Variants in DPYD observed in about 807,000 individuals in gnomAD.
The protein encoded by DPYD is dihydropyrimidine dehydrogenase [NADP(+)].
A neutral mutation model predicts 116.2 loss-of-function variants in DPYD; 109 were observed. The observed-to-expected ratio is 0.94, with a 90% confidence interval of 0.80 to 1.10. The LOEUF (loss-of-function observed/expected upper bound fraction) is 1.10, where lower values mean the gene tolerates loss of function less well. Among genes scored for constraint, DPYD ranks in the 50% least tolerant of loss-of-function variants. The pLI is 0.00. For synonymous variants in DPYD, 440 were observed against 432.0 expected (o/e 1.02, Z -0.23); for missense variants, 1,302 against 1,254.5 (o/e 1.04, Z -0.57).
intron 20 of DPYD, among the ~76,000 whole-genome samples, chr1:97,177,213 C>G (rs1379989629): frequency 6.6e-6 from 1 of 152,058 alleles, no homozygotes; most frequent in Non-Finnish European, 1.5e-5. Flanking sequence ...CCAGCAAATA[C>G]TAGGTACGAA....
rs1246581803 is a variant in DPYD, at chr1:97,883,332, G to A, written c.82C>T (p.Leu28=). ...LNPRTQTHAT[L]CSTSAKKLDK... ...AATTTCTTGGCCGAAGTGGAACACA[G>A]AGTTGCATGAGTTTGTGTTCGAGGA... Residue 28 remains leucine (L), a synonymous_variant, in exon 2 of 23, where the codon CTG becomes TTG. Transcript: ENST00000370192. 6.2e-7 allele frequency: 1 copy of A among 1,612,608 alleles called. No homozygotes were observed. The highest frequency in any genetic ancestry group is 1.3e-5 in the African/African-American group (1 of 74,848).
intron 18 of DPYD, among the ~76,000 whole-genome samples, chr1:97,268,468 G>C (rs948123907): frequency 2.0e-5 from 3 of 152,120 alleles, no homozygotes; most frequent in African/African-American, 2.4e-5. Context: ...TCTCTTCTTA[G>C]GGACCCAGGC....
intron 7 of DPYD, among the ~76,000 whole-genome samples, chr1:97,683,299 T>C (rs1660525409): frequency 6.6e-6 from 1 of 151,906 alleles, no homozygotes; most frequent in Non-Finnish European, 1.5e-5. Context: ...TAATATGATT[T>C]TATATTTATT....
intron 18 of DPYD, among the ~76,000 whole-genome samples, chr1:97,262,773 G>C (rs992425604): frequency 6.6e-6 from 1 of 151,924 alleles, no homozygotes; most frequent in African/African-American, 2.4e-5. Flanking sequence ...ATCAGACTTA[G>C]GTCTACAGCA....
intron 12 of DPYD, among the ~76,000 whole-genome samples, chr1:97,540,411 A>G (rs1650358575): frequency 1.3e-5 from 2 of 152,064 alleles, no homozygotes; most frequent in African/African-American, 4.8e-5. Flanking sequence ...AACTTTTACT[A>G]GTTTATTACA....
Position 97,229,796 on chromosome 1 carries a change from C to G in DPYD, c.2442+5056G>C, listed in dbSNP as rs1484124440. On this transcript the variant is annotated intron_variant, in intron 19 of 22. Coordinates refer to ENST00000370192, the MANE Select transcript of DPYD (RefSeq NM_000110.4). Reference sequence around the variant, plus strand: ...TCCTCTTCATTTCTGAAGTAAAAACCTATGTGTGAAACTTTACATTTTTAA... The same window carrying G: ...TCCTCTTCATTTCTGAAGTAAAAACGTATGTGTGAAACTTTACATTTTTAA... Among the ~76,000 whole-genome samples, 2 of 151,834 alleles carry G rather than the reference C, an allele frequency of 1.3e-5. 1 individual carries two copies.
intron 8 of DPYD, among the ~76,000 whole-genome samples, chr1:97,620,225 AT>A (rs1180777437): frequency 1.3e-5 from 2 of 152,092 alleles, no homozygotes; most frequent in East Asian, 1.9e-4. Flanking sequence ...TTTAAAAAAA[AT>A]TTTTTTGAGA....
At chr1:97,770,994 C>T (rs925036957) in intron 3 of DPYD, among the ~76,000 whole-genome samples, 1 of 152,030 alleles carries the variant, frequency 6.6e-6, no homozygotes, top group African/African-American at 2.4e-5. Context: ...TCAAAATGTA[C>T]GTTTTCTAGC....
chr1:97,320,438 A>C lies in DPYD; in HGVS notation c.2059-14141T>G, dbSNP rs1295488237. Among the ~76,000 whole-genome samples the C allele has an allele frequency of 9.1e-5, 5 of 55,242 alleles. 2 individuals carry two copies. Among genetic ancestry groups the C allele is most frequent in the Admixed American group, 1.9e-4 (1 of 5,270 alleles). 36.2% of individuals were successfully genotyped at this position (55,242 alleles called of 152,430 possible). On this transcript the variant is annotated intron_variant, in intron 16 of 22. Transcript: ENST00000370192. ...ATCACAAGCATTCTTATACACCAAC[A>C]ACAGACAAACAGAGAGCCAAGTCAT... is the stretch of plus-strand genomic sequence containing the variant.
chr1:97,637,269 T>G (rs1407767800), intron 8 of DPYD, among the ~76,000 whole-genome samples: 6 of 152,130 alleles, frequency 3.9e-5, no homozygotes, highest in Admixed American at 3.9e-4. Context: ...TCAAAACCAA[T>G]TTGTCTTTCC....
chr1:97,774,497 C>G (rs1196121905), intron 3 of DPYD, among the ~76,000 whole-genome samples: 1 of 152,144 alleles, frequency 6.6e-6, no homozygotes, highest in African/African-American at 2.4e-5. Context: ...AGGTGCAAAT[C>G]AGACCACCTG....
At chr1:97,573,130 T>C (rs1264848789) in intron 11 of DPYD, among the ~76,000 whole-genome samples, 7 of 152,078 alleles carry the variant, frequency 4.6e-5, no homozygotes, top group Admixed American at 1.3e-4. Context: ...ACAGAAACAC[T>C]GTATGTGGGA....
chr1:97,471,628 G>A (rs993255302), intron 13 of DPYD, among the ~76,000 whole-genome samples: 57 of 147,084 alleles, frequency 3.9e-4, no homozygotes, highest in Non-Finnish European at 5.5e-4. Context: ...TTGCTCTGTC[G>A]CCCAGGCTGG....
At chr1:97,569,595 A>G (rs1652758364) in intron 11 of DPYD, among the ~76,000 whole-genome samples, 1 of 151,874 alleles carries the variant, frequency 6.6e-6, no homozygotes, top group Admixed American at 6.6e-5. Flanking sequence ...CAGTCTATCT[A>G]GAACAACAAA....
chr1:97,677,350 A>AT (rs1275408310), intron 8 of DPYD, among the ~76,000 whole-genome samples: 2 of 152,136 alleles, frequency 1.3e-5, no homozygotes, highest in East Asian at 3.8e-4. Flanking sequence ...CTTTTAGTAC[A>AT]TTGGTGAATT....
At chr1:97,598,586 C>T (rs369761131) in intron 8 of DPYD, among the ~76,000 whole-genome samples, 2 of 135,674 alleles carry the variant, frequency 1.5e-5, no homozygotes, top group East Asian at 2.5e-4. Flanking sequence ...GTGATTTTCA[C>T]GTTCTCTGAA....
intron 2 of DPYD, among the ~76,000 whole-genome samples, chr1:97,875,668 T>C (rs1470302416): frequency 6.6e-6 from 1 of 151,992 alleles, no homozygotes; most frequent in Admixed American, 6.6e-5. Context: ...AGTATATTTT[T>C]CCCTCTCTAA....
chr1:97,347,691 C>A (rs1380883040), intron 16 of DPYD, among the ~76,000 whole-genome samples: 2 of 151,880 alleles, frequency 1.3e-5, no homozygotes, highest in East Asian at 1.9e-4. Flanking sequence ...TTTCAATTGA[C>A]AGACAAAATT....
At chr1:97,901,124 T>C (rs952590851) in intron 1 of DPYD, among the ~76,000 whole-genome samples, 2 of 151,834 alleles carry the variant, frequency 1.3e-5, no homozygotes, top group South Asian at 4.1e-4. Flanking sequence ...CCTTCAAGTG[T>C]TTTTCAAGTA....
Sources: gnomAD v4.1 joint callset for allele counts (sites outside exome capture counted in the v4.1 genomes callset) on GRCh38, gnomAD v4.1.1 for gene constraint, MANE v1.5 for transcripts, NCBI Gene and HGNC (gene_info 2026-07-23, HGNC 2026-07-21) for gene names.